The following LDLRAD1 variants were observed in gnomAD, a reference collection of about 807,000 sequenced individuals.
LDLRAD1 encodes low density lipoprotein receptor class A domain containing 1.
Under a neutral mutation model 24.8 loss-of-function variants are expected in LDLRAD1, and 17 were observed. That is an observed-to-expected ratio of 0.69 (90% CI 0.47 to 1.03). The LOEUF (loss-of-function observed/expected upper bound fraction) is 1.03, where lower values mean the gene tolerates loss of function less well. Ranked by LOEUF, LDLRAD1 falls within the 50% of genes least tolerant of loss-of-function variation. LDLRAD1 has a pLI of 0.00. For synonymous variants in LDLRAD1, 103 were observed against 108.2 expected (o/e 0.95, Z 0.30); for missense variants, 277 against 271.0 (o/e 1.02, Z -0.16).
At chr1:54,017,978 G>A (rs1050117588) in intron 1 of LDLRAD1, 114 bp downstream of exon 1, 11 of 993,044 alleles carry the variant, frequency 1.1e-5, no homozygotes, top group Non-Finnish European at 1.8e-5. Context: ...CTTACCTGGG[G>A]ACAGCTCTTA....
intron 2 of LDLRAD1, among the ~76,000 whole-genome samples, chr1:54,017,044 A>C (rs1656337247): frequency 6.6e-6 from 1 of 152,172 alleles, no homozygotes; most frequent in African/African-American, 2.4e-5. Context: ...AGTTAAAGAG[A>C]ATTGCCCAGG....
intron 3 of LDLRAD1, 139 bp downstream of exon 3, chr1:54,014,097 G>T: frequency 1.1e-6 from 1 of 895,990 alleles, no homozygotes; most frequent in Non-Finnish European, 1.7e-6. Context: ...GTGTCTGTGT[G>T]TGTCTGTGCA....
chr1:54,008,838 G>A lies in LDLRAD1; in HGVS notation c.*144C>T. ...GCAGAGGCTGAACAACTTGAAAGGAGGAGAGAAAATTCCTATTCAGAAATG... is the reference window on the plus strand; with the variant it reads ...GCAGAGGCTGAACAACTTGAAAGGAAGAGAGAAAATTCCTATTCAGAAATG... On this transcript the variant is annotated 3_prime_UTR_variant, in exon 6 of 6. Transcript: ENST00000371360. The A allele has an allele frequency of 1.4e-6, 1 of 737,068 alleles. No individual in the cohort carries two copies. The highest frequency in any genetic ancestry group is 2.2e-6 in the Non-Finnish European group (1 of 447,808). 45.7% of individuals were successfully genotyped at this position (737,068 alleles called of 1,614,324 possible). A position where few individuals can be genotyped will look rare whatever the true frequency, so the allele number is the denominator to read the frequency against.
In LDLRAD1 at chr1:54,009,093, G is replaced by C; in HGVS notation, c.507C>G (p.Arg169=). ...AGTACTTGAAGAAGGTTGAAGGACAGCGCCACCACCCAGGGCCGCAGGGTG... is the reference window on the plus strand; with the variant it reads ...AGTACTTGAAGAAGGTTGAAGGACACCGCCACCACCCAGGGCCGCAGGGTG... ...VCPPCGPGWW[R]CPSTFFKYCD... Residue 169 remains arginine (R), a synonymous_variant, in exon 6 of 6, where the codon CGC becomes CGG. Coordinates refer to ENST00000371360, the MANE Select transcript of LDLRAD1 (RefSeq NM_001010978.4). The C allele has an allele frequency of 2.5e-6, 4 of 1,613,988 alleles. No individual in the cohort carries two copies. The highest frequency in any genetic ancestry group is 2.5e-6 in the Non-Finnish European group (3 of 1,179,972).
At chr1:54,016,443 A>T (rs1365876164) in intron 2 of LDLRAD1, among the ~76,000 whole-genome samples, 1 of 152,164 alleles carries the variant, frequency 6.6e-6, no homozygotes, top group Non-Finnish European at 1.5e-5. Context: ...GCCATGGGAG[A>T]ACCCGCAGAA....
intron 4 of LDLRAD1, 135 bp from the exon 5 acceptor site, chr1:54,010,545 G>T: frequency 2.5e-6 from 2 of 807,692 alleles, no homozygotes; most frequent in Non-Finnish European, 3.9e-6. Context: ...AAGGGTGCAA[G>T]CAGAAGGTTT....
At chr1:54,012,111 C>A (rs1557662158) in intron 4 of LDLRAD1, 32 bp downstream of exon 4, 2 of 1,610,680 alleles carry the variant, frequency 1.2e-6, no homozygotes, top group African/African-American at 2.7e-5. Context: ...TGGGGGAACC[C>A]CTGGGAGGGG....
At chr1:54,016,864 T>G (rs1656330433) in intron 2 of LDLRAD1, among the ~76,000 whole-genome samples, 1 of 152,264 alleles carries the variant, frequency 6.6e-6, no homozygotes, top group African/African-American at 2.4e-5. Flanking sequence ...CCTCTCTGAG[T>G]GTGTTTCGTC....
rs1314878258 is a variant in LDLRAD1, at chr1:54,014,230, C to T, written c.202+6G>A. ...GTCTGACCCACCCTCTCTTGGCCGC[C>T]CTGACCTGGGGTGCATGATGGGAGT... On this transcript the variant is annotated splice_donor_region_variant and intron_variant, in intron 3 of 5. Transcript: ENST00000371360. 1.3e-6 allele frequency: 2 copies of T among 1,570,332 alleles called. No individual in the cohort carries two copies. The highest frequency in any genetic ancestry group is 1.7e-6 in the Non-Finnish European group (2 of 1,157,512).
chr1:54,017,531 G>A (rs1335099972), intron 1 of LDLRAD1, 104 bp from the exon 2 acceptor site: 2 of 916,656 alleles, frequency 2.2e-6, no homozygotes, highest in Non-Finnish European at 3.5e-6. Flanking sequence ...AGAGTCTTAG[G>A]TAGAACCACG....
intron 5 of LDLRAD1, 30 bp downstream of exon 5, chr1:54,010,252 C>T (rs750033946): frequency 6.2e-6 from 10 of 1,612,106 alleles, no homozygotes; most frequent in Middle Eastern, 1.7e-4. Context: ...TGGACACCAG[C>T]CCCAGCCCAG....
intron 2 of LDLRAD1, 150 bp from the exon 3 acceptor site, chr1:54,014,514 C>T: frequency 3.9e-6 from 3 of 762,102 alleles, no homozygotes; most frequent in Non-Finnish European, 6.4e-6. Context: ...GGAGCAGCTC[C>T]CAAGCCCTCC....
At position 54,014,131 on chromosome 1, in the gene LDLRAD1, A is replaced by G. The variant is rs988426451; in HGVS notation, c.202+105T>C. On this transcript the variant is annotated intron_variant, in intron 3 of 5. Transcript: ENST00000371360. Reference sequence around the variant, plus strand: ...CATGCACCTTAAGGAATTAGTCCAAAGTCACCTGGTGGAGAAGCCAGGCAG... The same window carrying G: ...CATGCACCTTAAGGAATTAGTCCAAGGTCACCTGGTGGAGAAGCCAGGCAG... 7.3e-6 allele frequency: 10 copies of G among 1,376,602 alleles called. No homozygotes were observed. The African/African-American group carries it at 1.3e-4, about 18-fold the overall frequency. The allele number at this position is 1,376,602 out of a possible 1,614,324, so 85.3% of individuals were successfully genotyped here.
chr1:54,010,255 C>T (rs765868921), intron 5 of LDLRAD1, 27 bp downstream of exon 5: 1 of 1,612,806 alleles, frequency 6.2e-7, no homozygotes, highest in South Asian at 1.1e-5. Flanking sequence ...ACACCAGCCC[C>T]AGCCCAGCCT....
intron 1 of LDLRAD1, among the ~76,000 whole-genome samples, chr1:54,017,838 C>G (rs1656376316): frequency 1.3e-5 from 2 of 152,236 alleles, no homozygotes; most frequent in South Asian, 2.1e-4. Flanking sequence ...CCCCTACACC[C>G]TGGGAGTGAG....
At chr1:54,016,839 T>G (rs958402829) in intron 2 of LDLRAD1, among the ~76,000 whole-genome samples, 1 of 152,192 alleles carries the variant, frequency 6.6e-6, no homozygotes, top group Non-Finnish European at 1.5e-5. Context: ...TCTTTATAGC[T>G]GGTATTTTAA....
At chr1:54,013,540 A>C (rs1442613184) in intron 3 of LDLRAD1, among the ~76,000 whole-genome samples, 2 of 146,126 alleles carry the variant, frequency 1.4e-5, no homozygotes, top group African/African-American at 5.2e-5. Flanking sequence ...CCCACTTGTC[A>C]CTCCAGCCCT....
rs1384484116 is a variant in LDLRAD1 at position 54,017,987 on chromosome 1, T to C, written c.21+105A>G. The C allele has an allele frequency of 3.8e-6, 4 of 1,060,126 alleles. No homozygotes were observed. The African/African-American group carries it at 6.2e-5, about 16-fold the overall frequency. The allele number at this position is 1,060,126 out of a possible 1,614,324, so 65.7% of individuals were successfully genotyped here. A position where few individuals can be genotyped will look rare whatever the true frequency, so the allele number is the denominator to read the frequency against. On this transcript the variant is annotated intron_variant, in intron 1 of 5. Coordinates refer to ENST00000371360, the MANE Select transcript of LDLRAD1 (RefSeq NM_001010978.4). ...GCGGCTCTTACCTGGGGACAGCTCT[T>C]ACTTGGAGACAACTCTTACCTGGGG...
At chr1:54,017,269 G>C (rs1656346353) in intron 2 of LDLRAD1, 107 bp downstream of exon 2, 1 of 864,292 alleles carries the variant, frequency 1.2e-6, no homozygotes, top group African/African-American at 1.7e-5. Context: ...GGAGGCAGAG[G>C]TCTGAGGGAC....
Sources: gnomAD v4.1 joint callset for allele counts (sites outside exome capture counted in the v4.1 genomes callset) on GRCh38, gnomAD v4.1.1 for gene constraint, MANE v1.5 for transcripts, NCBI Gene and HGNC (gene_info 2026-07-23, HGNC 2026-07-21) for gene names.